Variants in FAT2 observed in about 807,000 individuals in gnomAD.
FAT2 encodes FAT atypical cadherin 2.
Under a neutral mutation model 295.3 loss-of-function variants are expected in FAT2, and 150 were observed. The ratio of observed to expected loss-of-function variants is 0.51; its 90% CI spans 0.44 to 0.58. The LOEUF is 0.58. Ranked by LOEUF, FAT2 falls within the 20% of genes least tolerant of loss-of-function variation. The pLI is 0.00. For missense variants in FAT2, 4,868 were observed against 5,442.7 expected (o/e 0.89, Z 3.32); for synonymous variants, 2,026 against 2,150.3 (o/e 0.94, Z 1.60).
chr5:151,549,595 T>A (rs1756990473), intron 8 of FAT2, 90 bp from the exon 9 acceptor site: 2 of 1,024,986 alleles, frequency 2.0e-6, no homozygotes, highest in Non-Finnish European at 1.5e-6. Context: ...GAATGCCAAT[T>A]TAAAATATGC....
chr5:151,567,948 C>A lies in FAT2; in HGVS notation c.984G>T (p.Gly328=). ...TCCTGGCCTGGAGGCTGAGGTTGAA[C>A]CCATGAAGGTACTCCATCCAGTTGA... is the stretch of plus-strand genomic sequence containing the variant. ...KDINWMEYLH[G]FNLSLQARSG... Residue 328 remains glycine (G), a synonymous_variant, in exon 2 of 24, where the codon GGG becomes GGT. Coordinates refer to ENST00000261800, the MANE Select transcript of FAT2 (RefSeq NM_001447.3). 6.2e-7 allele frequency: 1 copy of A among 1,614,192 alleles called. No homozygotes were observed. The highest frequency in any genetic ancestry group is 8.5e-7 in the Non-Finnish European group (1 of 1,180,026).
At chr5:151,508,032 G>A (rs872377) in intron 22 of FAT2, among the ~76,000 whole-genome samples, 11,026 of 152,218 alleles carry the variant, frequency 0.072, 542 homozygotes, top group African/African-American at 0.14. Flanking sequence ...TCACCAGGAG[G>A]TCACAGGAGC....
At chr5:151,579,997 CT>C (rs1244521286) in intron 1 of FAT2, among the ~76,000 whole-genome samples, 1 of 152,228 alleles carries the variant, frequency 6.6e-6, no homozygotes, top group African/African-American at 2.4e-5. Context: ...AATCCCTGGA[CT>C]CCCTAGGGCA....
Position 151,512,199 on chromosome 5 carries a change from G to A in FAT2, c.11871C>T (p.Leu3957=), listed in dbSNP as rs762682418. The change falls in exon 21 of 24, where the codon CTC becomes CTT. Residue 3957 remains leucine (L), a synonymous_variant. Transcript: ENST00000261800. This position sits in a 1 kb window ranked among gnomAD's most constrained non-coding sequence, Gnocchi z 4.1. ...GGGTCCATGAGCACTTCCCACCATT[G>A]AGGCATGTGTTCTGGCTGCAGTAGT... The part of the protein sequence containing the change: ...HSDYCSQNTC[L]NGGKCSWTHG... 10 of 1,614,144 alleles carry A rather than the reference G, an allele frequency of 6.2e-6. No homozygotes were observed. Among genetic ancestry groups the A allele is most frequent in the Non-Finnish European group, 8.5e-6 (10 of 1,180,006 alleles).
Position 151,569,134 on chromosome 5 carries a change from A to G in FAT2, c.-20-183T>C, listed in dbSNP as rs551042993. Among the ~76,000 whole-genome samples the G allele has an allele frequency of 6.4e-4, 98 of 152,272 alleles. 1 individual carries two copies. The South Asian group carries it at 9.5e-3, about 15-fold the overall frequency. ...CATCTGGCAGGTAGAGGCTGGGGATACTGCTAAACAACCTACAATGCATAG... is the reference window on the plus strand; with the variant it reads ...CATCTGGCAGGTAGAGGCTGGGGATGCTGCTAAACAACCTACAATGCATAG... On this transcript the variant is annotated intron_variant, in intron 1 of 23. Coordinates refer to ENST00000261800, the MANE Select transcript of FAT2 (RefSeq NM_001447.3).
At chr5:151,562,244 C>A (rs116215319) in intron 3 of FAT2, among the ~76,000 whole-genome samples, 1,859 of 152,282 alleles carry the variant, frequency 0.012, 35 homozygotes, top group African/African-American at 0.042. Flanking sequence ...AGGGACTGCC[C>A]GCTCGCATTC....
Position 151,563,445 on chromosome 5 carries a change from C to T in FAT2, c.3454G>A (p.Val1152Met), listed in dbSNP as rs1247674147. ...FYPSIQEDAP[V>M]GTSVLQLDAW... ...TCCAGTTGAAGCACAGAGGTGCCCACGGGAGCATCCTCCTGGATGGAGGGG... is the reference window on the plus strand; with the variant it reads ...TCCAGTTGAAGCACAGAGGTGCCCATGGGAGCATCCTCCTGGATGGAGGGG... Residue 1152 changes from valine (V) to methionine (M), a missense_variant, in exon 3 of 24, where the codon GTG becomes ATG. Val to Met is a conservative substitution (Grantham distance 21). This residue lies in a region of FAT2 where 3,297 missense variants were observed against 3,669.4 expected (regional missense o/e 0.90). Coordinates refer to ENST00000261800, the MANE Select transcript of FAT2 (RefSeq NM_001447.3). 7 of 1,614,200 alleles carry T rather than the reference C, an allele frequency of 4.3e-6. No homozygotes were observed. Among genetic ancestry groups the T allele is most frequent in the South Asian group, 2.2e-5 (2 of 91,088 alleles).
chr5:151,505,364 C>T lies in FAT2; in HGVS notation c.*201G>A. On this transcript the variant is annotated 3_prime_UTR_variant, in exon 24 of 24. Transcript: ENST00000261800. ...CTCTCCTGGGACCCTAGTGCTGTTT[C>T]TGGAGCTCTATCCTCAGCTTCCCTC... 2 of 643,324 alleles carry T rather than the reference C, an allele frequency of 3.1e-6. No homozygotes were observed. Among genetic ancestry groups the T allele is most frequent in the Non-Finnish European group, 5.3e-6 (2 of 377,470 alleles). The allele number at this position is 643,324 out of a possible 1,614,324, so 39.9% of individuals were successfully genotyped here.
At chr5:151,580,591 G>A (rs1045655005) in intron 1 of FAT2, among the ~76,000 whole-genome samples, 3 of 152,178 alleles carry the variant, frequency 2.0e-5, no homozygotes, top group Admixed American at 6.5e-5. Context: ...TAACACACAC[G>A]CGTGCTCGCA....
chr5:151,522,265 G>T (rs1487057516), intron 18 of FAT2, 179 bp from the exon 19 acceptor site: 1 of 560,898 alleles, frequency 1.8e-6, no homozygotes, highest in East Asian at 2.8e-5. Flanking sequence ...TGACAGAAAA[G>T]AAAGATTTTC....
intron 1 of FAT2, among the ~76,000 whole-genome samples, chr5:151,576,967 A>C (rs565166336): frequency 6.6e-6 from 1 of 152,302 alleles, no homozygotes; most frequent in Admixed American, 6.5e-5. Context: ...TTGTAACACA[A>C]TGGTAAGTAT....
At chr5:151,515,776 C>T (rs563550019) in intron 20 of FAT2, among the ~76,000 whole-genome samples, 4 of 152,196 alleles carry the variant, frequency 2.6e-5, no homozygotes, top group Non-Finnish European at 5.9e-5. Flanking sequence ...CAGTGGCCTC[C>T]TGACTGGGTC....
rs543655905 is a variant in FAT2 at position 151,505,404 on chromosome 5, A to G, written c.*161T>C. On this transcript the variant is annotated 3_prime_UTR_variant, in exon 24 of 24. Coordinates refer to ENST00000261800, the MANE Select transcript of FAT2 (RefSeq NM_001447.3). ...CAGCTTCCCTCCACCCTCAGGGACT[A>G]GGTGGGGGATTGGAAGAGCACATTT... is the stretch of plus-strand genomic sequence containing the variant. The G allele has an allele frequency of 8.7e-6, 7 of 806,032 alleles. No individual in the cohort carries two copies. In the South Asian group the frequency reaches 1.3e-4, roughly 14 times the overall value. 49.9% of individuals were successfully genotyped at this position (806,032 alleles called of 1,614,324 possible). A position where few individuals can be genotyped will look rare whatever the true frequency, so the allele number is the denominator to read the frequency against.
At chr5:151,539,553 T>C (rs976189258) in intron 11 of FAT2, among the ~76,000 whole-genome samples, 4 of 152,238 alleles carry the variant, frequency 2.6e-5, no homozygotes, top group African/African-American at 9.6e-5. Context: ...CCTTTGTGTA[T>C]ATGTGTGGGT....
At chr5:151,585,632 A>T (rs1042031251) in intron 1 of FAT2, among the ~76,000 whole-genome samples, 3 of 152,320 alleles carry the variant, frequency 2.0e-5, no homozygotes, top group South Asian at 4.1e-4. Context: ...ATATATATAT[A>T]TCAGCTGTAA....
rs371674925 is a variant in FAT2 at position 151,525,880 on chromosome 5, C to G, written c.10394G>C (p.Arg3465Pro). 2.5e-6 allele frequency: 4 copies of G among 1,614,120 alleles called. No homozygotes were observed. Among genetic ancestry groups the G allele is most frequent in the Non-Finnish European group, 2.5e-6 (3 of 1,180,034 alleles). Residue 3465 changes from arginine to proline, a missense_variant, in exon 18 of 24, where the codon CGA becomes CCA. Coordinates refer to ENST00000261800, the MANE Select transcript of FAT2 (RefSeq NM_001447.3). ...SPENGPPYSFRITKGNNGSAF... is the reference protein window; with the variant it reads ...SPENGPPYSFPITKGNNGSAF... Reference sequence around the variant, plus strand: ...AGAGCCGTTGTTCCCCTTGGTGATTCGAAACGAGTAGGGGGGGCCATTCTC... The same window carrying G: ...AGAGCCGTTGTTCCCCTTGGTGATTGGAAACGAGTAGGGGGGGCCATTCTC...
rs529985187 is a variant in FAT2, at chr5:151,522,143, G to A, written c.10507-57C>T. Reference sequence around the variant, plus strand: ...ACAGAACTGCAGTGCTCTTGCGCCCGACTGAGGCTGGGCCTCCTTGTGGAG... The same window carrying A: ...ACAGAACTGCAGTGCTCTTGCGCCCAACTGAGGCTGGGCCTCCTTGTGGAG... On this transcript the variant is annotated intron_variant, in intron 18 of 23. Transcript: ENST00000261800. 30 of 1,372,964 alleles carry A rather than the reference G, an allele frequency of 2.2e-5. No individual in the cohort carries two copies. In the African/African-American group the frequency reaches 3.4e-4, roughly 16 times the overall value. The allele number at this position is 1,372,964 out of a possible 1,614,324, so 85.0% of individuals were successfully genotyped here. A position where few individuals can be genotyped will look rare whatever the true frequency, so the allele number is the denominator to read the frequency against.
chr5:151,521,961 C>T lies in FAT2; in HGVS notation c.10632G>A (p.Glu3544=), dbSNP rs2127580406. The T allele has an allele frequency of 6.2e-7, 1 of 1,614,216 alleles. No individual in the cohort carries two copies. The highest frequency in any genetic ancestry group is 8.5e-7 in the Non-Finnish European group (1 of 1,180,036). ...TCTTACCCACCATGCCACCCTGGAACTCATCCTCTCCAACAGTGATGAAGA... is the reference window on the plus strand; with the variant it reads ...TCTTACCCACCATGCCACCCTGGAATTCATCCTCTCCAACAGTGATGAAGA... ...LEIFITVGED[E]FQGGMVGKIH... Residue 3544 remains glutamate, a synonymous_variant, in exon 19 of 24, where the codon GAG becomes GAA. Transcript: ENST00000261800.
In FAT2 at chr5:151,507,543, T is replaced by TC; in HGVS notation, c.12127dup (p.Asp4043GlyfsTer52). ...GATCAGTAACTCCTGCTGCCCCCAG[T>TC]CCCCCCTTTGGATCTCGGGAGTGAC... is the stretch of plus-strand genomic sequence containing the variant. On this transcript the variant is annotated frameshift_variant, in exon 23 of 24. Transcript: ENST00000261800. LOFTEE classifies it high-confidence loss of function. The TC allele has an allele frequency of 6.2e-7, 1 of 1,613,558 alleles. No homozygotes were observed. Among genetic ancestry groups the TC allele is most frequent in the Non-Finnish European group, 8.5e-7 (1 of 1,179,908 alleles).
Sources: allele counts gnomAD v4.1 joint callset (sites outside exome capture counted in the v4.1 genomes callset), GRCh38; gene constraint gnomAD v4.1.1; regional missense constraint gnomAD v4.1.1; non-coding constraint Gnocchi (gnomAD v3.1); transcripts MANE v1.5; gene names NCBI Gene and HGNC (gene_info 2026-07-23, HGNC 2026-07-21).